CNTNAP3B: variants seen among roughly 807,000 people sequenced by gnomAD.
The protein encoded by CNTNAP3B is contactin associated protein family member 3B.
Under a neutral mutation model 108.9 loss-of-function variants are expected in CNTNAP3B, and 25 were observed. The ratio of observed to expected loss-of-function variants is 0.23; its 90% CI spans 0.17 to 0.32. The LOEUF is 0.32. Ranked by LOEUF, CNTNAP3B falls within the 10% of genes least tolerant of loss-of-function variation. CNTNAP3B has a pLI of 1.00. For missense variants in CNTNAP3B, 252 were observed against 1,210.4 expected (o/e 0.21, Z 11.75); for synonymous variants, 103 against 473.4 (o/e 0.22, Z 10.16).
At chr9:41,962,870 G>A (rs1350921741) in intron 11 of CNTNAP3B, among the ~76,000 whole-genome samples, 8 of 152,080 alleles carry the variant, frequency 5.3e-5, no homozygotes, top group African/African-American at 1.7e-4. Context: ...CAGGAGAATG[G>A]CGTGAACCCA....
chr9:42,111,130 G>C lies in CNTNAP3B; in HGVS notation c.86-6391C>G, dbSNP rs192845115. 1.9e-4 allele frequency among the ~76,000 whole-genome samples: 27 copies of C among 138,642 alleles called. 7 individuals carry two copies. Among genetic ancestry groups the C allele is most frequent in the African/African-American group, 7.1e-4 (25 of 34,970 alleles). 91.0% of individuals were successfully genotyped at this position (138,642 alleles called of 152,430 possible). A position where few individuals can be genotyped will look rare whatever the true frequency, so the allele number is the denominator to read the frequency against. On this transcript the variant is annotated intron_variant, in intron 1 of 23. Coordinates refer to ENST00000377561, the MANE Select transcript of CNTNAP3B (RefSeq NM_001201380.3). ...GGCCTGGCAACTGAATGTCATGCCTGTCCTACTGGAAAGGACTGGTTCCAG... is the reference window on the plus strand; with the variant it reads ...GGCCTGGCAACTGAATGTCATGCCTCTCCTACTGGAAAGGACTGGTTCCAG...
chr9:42,024,731 A>G (rs1826386423), intron 3 of CNTNAP3B, among the ~76,000 whole-genome samples: 1 of 135,612 alleles, frequency 7.4e-6, no homozygotes, highest in Non-Finnish European at 1.6e-5. Context: ...AAACAGACAT[A>G]TAAAGCTGTC....
At chr9:41,966,325 T>C (rs1286466949) in intron 10 of CNTNAP3B, among the ~76,000 whole-genome samples, 1 of 152,302 alleles carries the variant, frequency 6.6e-6, no homozygotes, top group Non-Finnish European at 1.5e-5. Flanking sequence ...TAGTTCAAAA[T>C]ATTTGGAAAT....
intron 14 of CNTNAP3B, among the ~76,000 whole-genome samples, chr9:41,937,409 G>A (rs1357183449): frequency 2.0e-5 from 3 of 151,402 alleles, no homozygotes; most frequent in Non-Finnish European, 4.4e-5. Context: ...TTACAGGCAT[G>A]AGCCACAGTG....
chr9:41,924,644 T>TGTGCGCGC lies in CNTNAP3B; in HGVS notation c.2366-552_2366-551insGCGCGCAC, dbSNP rs1823758782. Among the ~76,000 whole-genome samples, 3 of 95,520 alleles carry TGTGCGCGC rather than the reference T, an allele frequency of 3.1e-5. No individual in the cohort carries two copies. In the East Asian group the frequency reaches 7.7e-4, roughly 25 times the overall value. 62.7% of individuals were successfully genotyped at this position (95,520 alleles called of 152,430 possible). A position where few individuals can be genotyped will look rare whatever the true frequency, so the allele number is the denominator to read the frequency against. On this transcript the variant is annotated intron_variant, in intron 15 of 23. Coordinates refer to ENST00000377561, the MANE Select transcript of CNTNAP3B (RefSeq NM_001201380.3). ...GAACACAGACTCTTGCTTTCCTTCC[T>TGTGCGCGC]GCACACACACACACACACACACACA...
intron 18 of CNTNAP3B, among the ~76,000 whole-genome samples, chr9:41,919,446 A>C (rs1390085838): frequency 6.6e-6 from 1 of 152,216 alleles, no homozygotes; most frequent in African/African-American, 2.4e-5. Flanking sequence ...GTACCTGAGC[A>C]GAAGCTGTGT....
intron 7 of CNTNAP3B, among the ~76,000 whole-genome samples, chr9:41,995,804 G>C (rs1024661265): frequency 1.5e-5 from 2 of 136,674 alleles, no homozygotes; most frequent in Non-Finnish European, 3.1e-5. Flanking sequence ...GGAAGGCCGA[G>C]GCAGGCAGAT....
At chr9:41,933,955 C>T (rs1277795656) in intron 14 of CNTNAP3B, among the ~76,000 whole-genome samples, 1 of 150,256 alleles carries the variant, frequency 6.7e-6, no homozygotes, top group Non-Finnish European at 1.5e-5. Context: ...ATAATTTTTC[C>T]TTGCTAAACG....
chr9:41,941,332 G>A (rs1824336371), intron 13 of CNTNAP3B, among the ~76,000 whole-genome samples: 3 of 140,340 alleles, frequency 2.1e-5, no homozygotes, highest in Middle Eastern at 3.4e-3. Flanking sequence ...ATAAACATAG[G>A]CAGGTTAAAA....
chr9:41,931,656 T>C (rs1823980946), intron 14 of CNTNAP3B, among the ~76,000 whole-genome samples: 1 of 150,354 alleles, frequency 6.7e-6, no homozygotes, highest in Admixed American at 6.6e-5. Flanking sequence ...ATATTGATTA[T>C]CTAAAGGCAT....
At chr9:41,923,501 C>T (rs1167908636) in intron 16 of CNTNAP3B, among the ~76,000 whole-genome samples, 20 of 152,348 alleles carry the variant, frequency 1.3e-4, no homozygotes, top group Middle Eastern at 3.4e-3. Context: ...GCAGTTCACA[C>T]CTGTAATCCC....
At chr9:42,119,995 A>G (rs1388234361) in intron 1 of CNTNAP3B, among the ~76,000 whole-genome samples, 2 of 145,892 alleles carry the variant, frequency 1.4e-5, no homozygotes, top group Admixed American at 6.8e-5. Context: ...TAAACTAAAG[A>G]GCTTCTACAG....
At chr9:41,916,523 G>C (rs200896007) in intron 18 of CNTNAP3B, among the ~76,000 whole-genome samples, 16 of 151,218 alleles carry the variant, frequency 1.1e-4, no homozygotes, top group South Asian at 4.2e-4. Flanking sequence ...TAATAGCAGT[G>C]AATTCTCTGC....
At chr9:41,994,580 G>T (rs372171725) in intron 7 of CNTNAP3B, 9,204 of 403,004 alleles carry the variant, frequency 0.023, 361 homozygotes, top group East Asian at 0.11. Flanking sequence ...TCTCAGCAGG[G>T]TGCTGTTCAT....
intron 1 of CNTNAP3B, among the ~76,000 whole-genome samples, chr9:42,127,918 C>A (rs1415043643): frequency 7.2e-6 from 1 of 139,520 alleles, no homozygotes; most frequent in East Asian, 2.2e-4. Context: ...CTGAAAGCTA[C>A]CCTTGGTTAT....
chr9:42,019,752 C>A (rs1826275322), intron 3 of CNTNAP3B, among the ~76,000 whole-genome samples: 5 of 131,684 alleles, frequency 3.8e-5, no homozygotes, highest in South Asian at 2.5e-4. Context: ...CAGAGTGAGA[C>A]TCTATCTCAA....
chr9:41,918,521 G>T (rs1254005814), intron 18 of CNTNAP3B, among the ~76,000 whole-genome samples: 1 of 144,246 alleles, frequency 6.9e-6, no homozygotes, highest in African/African-American at 2.7e-5. Context: ...GATGATCACT[G>T]TCTTGGAATA....
At position 42,098,153 on chromosome 9, in the gene CNTNAP3B, T is replaced by C. The variant is rs1390411067; in HGVS notation, c.196+6476A>G. 2.9e-5 allele frequency among the ~76,000 whole-genome samples: 4 copies of C among 139,226 alleles called. 1 individual carries two copies. Among genetic ancestry groups the C allele is most frequent in the African/African-American group, 1.1e-4 (4 of 35,100 alleles). 91.3% of individuals were successfully genotyped at this position (139,226 alleles called of 152,430 possible). A position where few individuals can be genotyped will look rare whatever the true frequency, so the allele number is the denominator to read the frequency against. ...ATGTAAAAAAGTTGATTATTGGAGT[T>C]TATAAAAGCAACTTTTGACCATTTT... is the stretch of plus-strand genomic sequence containing the variant. On this transcript the variant is annotated intron_variant, in intron 2 of 23. Transcript: ENST00000377561.
At chr9:42,001,379 A>G (rs545406860) in intron 4 of CNTNAP3B, among the ~76,000 whole-genome samples, 1 of 130,724 alleles carries the variant, frequency 7.6e-6, no homozygotes, top group South Asian at 2.5e-4. Flanking sequence ...GTGTCACTGC[A>G]CCCCAGCCTG....
Sources: gnomAD v4.1 joint callset for allele counts (sites outside exome capture counted in the v4.1 genomes callset) on GRCh38, gnomAD v4.1.1 for gene constraint, MANE v1.5 for transcripts, NCBI Gene and HGNC (gene_info 2026-07-23, HGNC 2026-07-21) for gene names.